The following ZMIZ1 variants were observed in gnomAD, a reference collection of about 807,000 sequenced individuals.
ZMIZ1 encodes the protein zinc finger MIZ-type containing 1.
A neutral mutation model predicts 113.9 loss-of-function variants in ZMIZ1; 17 were observed. The ratio of observed to expected loss-of-function variants is 0.15; its 90% CI spans 0.10 to 0.22. The LOEUF is 0.22. Ranked by LOEUF, ZMIZ1 falls within the 10% of genes least tolerant of loss-of-function variation. ZMIZ1 has a pLI of 1.00. For synonymous variants in ZMIZ1, 607 were observed against 603.1 expected (o/e 1.01, Z -0.09); for missense variants, 1,059 against 1,477.8 (o/e 0.72, Z 4.65).
chr10:79,170,703 T>C (rs1846559794), intron 4 of ZMIZ1, among the ~76,000 whole-genome samples: 2 of 152,164 alleles, frequency 1.3e-5, no homozygotes, highest in African/African-American at 2.4e-5. Context: ...GCCTGCAGCA[T>C]TGGAACTGCA....
intron 7 of ZMIZ1, among the ~76,000 whole-genome samples, chr10:79,239,501 A>T (rs779203684): frequency 6.6e-5 from 10 of 152,258 alleles, no homozygotes; most frequent in Non-Finnish European, 1.2e-4. Flanking sequence ...GACATCTCCG[A>T]GTCATAGGAT....
intron 7 of ZMIZ1, among the ~76,000 whole-genome samples, chr10:79,230,480 C>T (rs752011524): frequency 2.0e-4 from 31 of 152,226 alleles, no homozygotes; most frequent in Non-Finnish European, 3.7e-4. Flanking sequence ...CTCCAGGCTC[C>T]GTGTGGTCTT....
chr10:79,174,681 G>T (rs541557576), intron 4 of ZMIZ1, among the ~76,000 whole-genome samples: 1 of 152,332 alleles, frequency 6.6e-6, no homozygotes, highest in South Asian at 2.1e-4. Context: ...TTGGTGTGGG[G>T]CATAGAAGAG....
intron 4 of ZMIZ1, among the ~76,000 whole-genome samples, chr10:79,196,158 A>G (rs1322367760): frequency 6.6e-6 from 1 of 152,122 alleles, no homozygotes; most frequent in East Asian, 1.9e-4. Context: ...TGACCTCAAC[A>G]GTTTAAAAAT....
At chr10:79,174,278 C>T (rs569151708) in intron 4 of ZMIZ1, among the ~76,000 whole-genome samples, 1 of 152,304 alleles carries the variant, frequency 6.6e-6, no homozygotes, top group South Asian at 2.1e-4. Context: ...CGGGGACACA[C>T]AGCTCCCACT....
chr10:79,146,470 T>C (rs941686643), intron 3 of ZMIZ1, among the ~76,000 whole-genome samples: 2 of 152,178 alleles, frequency 1.3e-5, no homozygotes, highest in Non-Finnish European at 2.9e-5. Flanking sequence ...TAATATACCA[T>C]GGACTCCAGC....
At chr10:79,224,120 GA>G (rs1849106577) in intron 7 of ZMIZ1, among the ~76,000 whole-genome samples, 1 of 152,212 alleles carries the variant, frequency 6.6e-6, no homozygotes, top group South Asian at 2.1e-4. Flanking sequence ...TAACTTTCCA[GA>G]AGGATAACAG....
chr10:79,250,065 G>T (rs1236312659), intron 7 of ZMIZ1, among the ~76,000 whole-genome samples: 1 of 152,202 alleles, frequency 6.6e-6, no homozygotes, highest in Non-Finnish European at 1.5e-5. Flanking sequence ...AGGCGCTTAG[G>T]TTGGTATCTG....
chr10:79,150,797 C>G (rs1000263202), intron 3 of ZMIZ1, among the ~76,000 whole-genome samples: 2 of 152,084 alleles, frequency 1.3e-5, no homozygotes. Context: ...TCCCAGAAGC[C>G]GGGCGACGGA....
intron 7 of ZMIZ1, among the ~76,000 whole-genome samples, chr10:79,238,523 A>G (rs1208661592): frequency 6.6e-6 from 1 of 152,222 alleles, no homozygotes; most frequent in Admixed American, 6.5e-5. Flanking sequence ...GCTAAACTCT[A>G]AAAAGAAACA....
At chr10:79,270,735 G>A (rs1246407924) in intron 7 of ZMIZ1, among the ~76,000 whole-genome samples, 1 of 152,146 alleles carries the variant, frequency 6.6e-6, no homozygotes, top group Middle Eastern at 3.2e-3. Flanking sequence ...TGGCCCCTCA[G>A]GGCTGCTGCT....
At chr10:79,299,300 A>G (rs934592310) in intron 16 of ZMIZ1, 109 bp downstream of exon 16, 43 of 1,432,438 alleles carry the variant, frequency 3.0e-5, no homozygotes, top group Admixed American at 2.6e-4. Context: ...GCATCTTCTG[A>G]CACCTTCACG....
At chr10:79,156,551 G>C (rs765835579) in intron 3 of ZMIZ1, among the ~76,000 whole-genome samples, 4 of 152,244 alleles carry the variant, frequency 2.6e-5, no homozygotes, top group Non-Finnish European at 5.9e-5. Flanking sequence ...AGAAAGGTGA[G>C]GGAGCCGAGG....
intron 4 of ZMIZ1, among the ~76,000 whole-genome samples, chr10:79,189,907 C>T (rs1847527685): frequency 6.6e-6 from 1 of 152,206 alleles, no homozygotes; most frequent in African/African-American, 2.4e-5. Context: ...GGCTCAGTCC[C>T]CTGAGTAGCC....
At position 79,313,666 on chromosome 10, in the gene ZMIZ1, T is replaced by C. The variant is rs1855350984; in HGVS notation, c.*917T>C. On this transcript the variant is annotated 3_prime_UTR_variant, in exon 25 of 25. Transcript: ENST00000334512. ...CTAACTTTGCTCCAAGCCACTCTCT[T>C]TTTAAACAGCAACAATTTAAAGCTA... 1 of 261,784 alleles carries C rather than the reference T, an allele frequency of 3.8e-6. No individual in the cohort carries two copies. Among genetic ancestry groups the C allele is most frequent in the Non-Finnish European group, 7.6e-6 (1 of 132,328 alleles). The allele number at this position is 261,784 out of a possible 1,614,324, so 16.2% of individuals were successfully genotyped here. A position where few individuals can be genotyped will look rare whatever the true frequency, so the allele number is the denominator to read the frequency against.
chr10:79,097,832 AC>A (rs34536082), intron 1 of ZMIZ1, among the ~76,000 whole-genome samples: 22,461 of 151,604 alleles, frequency 0.15, 1,929 homozygotes, highest in East Asian at 0.3. Context: ...TGCTAACTGC[AC>A]CCCCCCACCC....
At position 79,136,710 on chromosome 10, in the gene ZMIZ1, T is replaced by C. The variant is rs187556403; in HGVS notation, c.-226-2972T>C. 3.3e-5 allele frequency among the ~76,000 whole-genome samples: 5 copies of C among 152,376 alleles called. No individual in the cohort carries two copies. In the East Asian group the frequency reaches 7.7e-4, roughly 23 times the overall value. On this transcript the variant is annotated intron_variant, in intron 2 of 24. Coordinates refer to ENST00000334512, the MANE Select transcript of ZMIZ1 (RefSeq NM_020338.4). ...AAAATTGGTTATAGTACTGACCTCA[T>C]AGGTTGTGGTAAGATTAAGTGGATT... is the stretch of plus-strand genomic sequence containing the variant.
In ZMIZ1 at chr10:79,304,132, G is replaced by T; in HGVS notation, c.2243G>T (p.Arg748Leu). 6.2e-7 allele frequency: 1 copy of T among 1,614,098 alleles called. No homozygotes were observed. The highest frequency in any genetic ancestry group is 8.5e-7 in the Non-Finnish European group (1 of 1,179,958). The change falls in exon 19 of 25, where the codon CGC (arginine) becomes CTC (leucine). Residue 748 changes from arginine to leucine, a missense_variant. By Grantham distance (102) the Arg-to-Leu change is moderately radical. This residue lies in a region of ZMIZ1 where 217 missense variants were observed against 426.9 expected (regional missense o/e 0.51). Transcript: ENST00000334512. ...CTGAAGTGCCCCATCACATTCCGGC[G>T]CATCCAGCTGCCTGCTCGAGGACAC... is the stretch of plus-strand genomic sequence containing the variant. ...VSLKCPITFR[R>L]IQLPARGHDC... is the part of the protein sequence containing the mutation.
At chr10:79,186,769 G>A (rs533520942) in intron 4 of ZMIZ1, among the ~76,000 whole-genome samples, 9 of 152,352 alleles carry the variant, frequency 5.9e-5, no homozygotes, top group Middle Eastern at 3.4e-3. Flanking sequence ...AATGGTGAGA[G>A]TCCTGCTTCA....
Sources: allele counts gnomAD v4.1 joint callset (sites outside exome capture counted in the v4.1 genomes callset), GRCh38; gene constraint gnomAD v4.1.1; regional missense constraint gnomAD v4.1.1; transcripts MANE v1.5; gene names NCBI Gene and HGNC (gene_info 2026-07-23, HGNC 2026-07-21).